The following MUC6 variants were observed in gnomAD, a reference collection of about 807,000 sequenced individuals.
MUC6 encodes mucin 6, oligomeric mucus/gel-forming (gene/pseudogene), also known as mucin-6.
Under a neutral mutation model 201.5 loss-of-function variants are expected in MUC6, and 188 were observed. The observed-to-expected ratio is 0.93, with a 90% CI of 0.83 to 1.05. The LOEUF (loss-of-function observed/expected upper bound fraction) is 1.05. Ranked by LOEUF, MUC6 falls within the 50% of genes least tolerant of loss-of-function variation. The pLI, the probability that MUC6 is intolerant of heterozygous loss-of-function variation, is 0.00. For missense variants in MUC6, 2,706 were observed against 3,256.9 expected, an observed-to-expected ratio of 0.83 and a Z score of 4.12; for synonymous variants, 1,228 against 1,389.4, an observed-to-expected ratio of 0.88 and a Z score of 2.58.
chr11:1,034,117 G>A (rs1165137680), intron 1 of MUC6, among the ~76,000 whole-genome samples: 1 of 152,230 alleles, frequency 6.6e-6, no homozygotes. Context: ...GGGAGATGGT[G>A]TTAACCGCGG....
At chr11:1,036,186 C>T (rs1857213111) in intron 1 of MUC6, among the ~76,000 whole-genome samples, 1 of 151,970 alleles carries the variant, frequency 6.6e-6, no homozygotes, top group Non-Finnish European at 1.5e-5. Flanking sequence ...CAGGGCCCAG[C>T]AGAGACTGTG....
chr11:1,026,817 G>A (rs554581363), intron 19 of MUC6, 124 bp downstream of exon 19: 110 of 1,067,382 alleles, frequency 1.0e-4, no homozygotes, highest in Middle Eastern at 3.1e-4. Context: ...CTTCCACCTC[G>A]TGGCCAGCCC....
rs1856730269 is a variant in MUC6 at position 1,018,455 on chromosome 11, G to A, written c.4346C>T (p.Pro1449Leu). The change falls in exon 31 of 33, where the codon CCT becomes CTT. Residue 1449 changes from proline (P) to leucine (L), a missense_variant. Transcript: ENST00000421673. ...TGGAGTCACCAAGGAGGTGGAGAAAGGTGGAACGTGAGTGGGAAGTGTGGT... is the reference window on the plus strand; with the variant it reads ...TGGAGTCACCAAGGAGGTGGAGAAAAGTGGAACGTGAGTGGGAAGTGTGGT... ...PETTLPTHVP[P>L]FSTSLVTPST... is the part of the protein sequence containing the mutation. 3.1e-6 allele frequency: 5 copies of A among 1,613,814 alleles called. No individual in the cohort carries two copies. Among genetic ancestry groups the A allele is most frequent in the African/African-American group, 1.3e-5 (1 of 74,800 alleles).
chr11:1,033,595 C>T lies in MUC6; in HGVS notation c.53-520G>A, dbSNP rs1341972864. 6.6e-6 allele frequency among the ~76,000 whole-genome samples: 1 copy of T among 152,100 alleles called. No individual in the cohort carries two copies. The highest frequency in any genetic ancestry group is 2.4e-5 in the African/African-American group (1 of 41,422). On this transcript the variant is annotated intron_variant, in intron 1 of 32. Coordinates refer to ENST00000421673, the MANE Select transcript of MUC6 (RefSeq NM_005961.3). The surrounding 1 kb of genome is among the most constrained non-coding windows in gnomAD (Gnocchi z 5.6). ...TTCCTGCACGTCAGCCTTGAGACAG[C>T]CTTGATGTCAGGCCTGGCACTGAGG...
At chr11:1,014,488 T>C (rs1414143250) in intron 31 of MUC6, among the ~76,000 whole-genome samples, 1 of 151,808 alleles carries the variant, frequency 6.6e-6, no homozygotes, top group Non-Finnish European at 1.5e-5. Flanking sequence ...GCAGGCCCCG[T>C]GGTCTGGGCT....
intron 26 of MUC6, 133 bp from the exon 27 acceptor site, chr11:1,021,410 G>A (rs144226733): frequency 0.033 from 16,780 of 504,378 alleles, 367 homozygotes; most frequent in Admixed American, 0.045. Context: ...TCGCTCTGTC[G>A]CCCAGGCTGG....
intron 14 of MUC6, 49 bp downstream of exon 14, chr11:1,028,177 C>T: frequency 1.3e-6 from 2 of 1,540,540 alleles, no homozygotes; most frequent in Non-Finnish European, 1.8e-6. Context: ...TCTGTCAGAA[C>T]TGTGGGCGCT....
Position 1,030,292 on chromosome 11 carries a change from G to A in MUC6, c.936C>T (p.Gly312=), listed in dbSNP as rs1308203794. 5.2e-6 allele frequency: 8 copies of A among 1,549,492 alleles called. No individual in the cohort carries two copies. The African/African-American group carries it at 9.6e-5, about 19-fold the overall frequency. ...TGGAGCAGGTCTTCACGCAGGCCGA[G>A]CCGCACTCCTGGTACACCTGGTTGG... ...CPANQVYQEC[G]SACVKTCSNP... is the part of the protein sequence containing the mutation. The change falls in exon 8 of 33, where the codon GGC becomes GGT. Residue 312 remains glycine (G), a synonymous_variant. Transcript: ENST00000421673.
intron 2 of MUC6, among the ~76,000 whole-genome samples, chr11:1,032,763 G>A (rs1857138348): frequency 6.6e-6 from 1 of 151,182 alleles, no homozygotes; most frequent in South Asian, 2.1e-4. Flanking sequence ...TCTGTGTAGA[G>A]TGTTGGGTGT....
At chr11:1,013,766 G>A (rs1479670794) in intron 32 of MUC6, 133 bp from the exon 33 acceptor site, 1 of 1,394,522 alleles carries the variant, frequency 7.2e-7, no homozygotes, top group Non-Finnish European at 9.8e-7. Context: ...CCAGGGCGGT[G>A]TTGGGCAGAT....
intron 1 of MUC6, among the ~76,000 whole-genome samples, chr11:1,034,321 T>C (rs1351781191): frequency 6.6e-6 from 1 of 152,228 alleles, no homozygotes; most frequent in East Asian, 1.9e-4. Flanking sequence ...TTATCCCCAG[T>C]GTAAGCTGAG....
rs557512676 is a variant in MUC6 at position 1,018,828 on chromosome 11, C to T, written c.4031-58G>A. On this transcript the variant is annotated intron_variant, in intron 30 of 32. Coordinates refer to ENST00000421673, the MANE Select transcript of MUC6 (RefSeq NM_005961.3). ...GTTTTTGTTTCTCTACCCTGACCTC[C>T]GCTGGCCCGTCCTTTTGTCTATGTG... The T allele has an allele frequency of 2.0e-5, 30 of 1,515,604 alleles. No individual in the cohort carries two copies. The Middle Eastern group carries it at 5.3e-4, about 27-fold the overall frequency. The allele number at this position is 1,515,604 out of a possible 1,614,324, so 93.9% of individuals were successfully genotyped here.
chr11:1,016,001 TGA>T lies in MUC6; in HGVS notation c.6798_6799del (p.Gln2267ValfsTer106), dbSNP rs757502483. 126 of 1,603,528 alleles carry T rather than the reference TGA, an allele frequency of 7.9e-5. No homozygotes were observed. The highest frequency in any genetic ancestry group is 1.0e-4 in the Non-Finnish European group (122 of 1,173,626). Reference sequence around the variant, plus strand: ...AGAAGTGGACCGCGAGGTGGTGGACTGAGAGGAGAAGGCAGGGGCGGTGTGGG... The same window carrying T: ...AGAAGTGGACCGCGAGGTGGTGGACTGAGGAGAAGGCAGGGGCGGTGTGGG... On this transcript the variant is annotated frameshift_variant, in exon 31 of 33. Coordinates refer to ENST00000421673, the MANE Select transcript of MUC6 (RefSeq NM_005961.3). LOFTEE classifies it high-confidence loss of function.
intron 31 of MUC6, among the ~76,000 whole-genome samples, 161 bp from the exon 32 acceptor site, chr11:1,014,162 A>C (rs570602419): frequency 1.6e-4 from 24 of 152,346 alleles, no homozygotes; most frequent in African/African-American, 5.1e-4. Flanking sequence ...CCTCAGCCAT[A>C]CACAAAGGCA....
chr11:1,030,854 G>T (rs932780692), intron 6 of MUC6, 74 bp from the exon 7 acceptor site: 2 of 1,528,752 alleles, frequency 1.3e-6, no homozygotes, highest in African/African-American at 1.4e-5. Flanking sequence ...GTCGGGCAGG[G>T]CGTCTGTGAT....
rs201922465 is a variant in MUC6, at chr11:1,025,348, G to A, written c.2819C>T (p.Ala940Val). 10 of 1,610,310 alleles carry A rather than the reference G, an allele frequency of 6.2e-6. No individual in the cohort carries two copies. The highest frequency in any genetic ancestry group is 1.6e-4 in the Middle Eastern group (1 of 6,070). Residue 940 changes from alanine to valine, a missense_variant, in exon 23 of 33, where the codon GCG becomes GTG. Transcript: ENST00000421673. The part of the protein sequence containing the change: ...IFLGGLSVVL[A>V]DRNYTVTGEE... ...CCCGGTGACCGTGTAGTTTCTGTCCGCCAGCACCACGGACAGGCCCTGTGG... is the reference window on the plus strand; with the variant it reads ...CCCGGTGACCGTGTAGTTTCTGTCCACCAGCACCACGGACAGGCCCTGTGG...
Position 1,019,380 on chromosome 11 carries a change from T to C in MUC6, c.3925A>G (p.Thr1309Ala). The part of the protein sequence containing the change: ...PTVTQATTRA[T>A]ASTASPATTS... ...GTGGCTGGGCTGGCGGTCGACGCCG[T>C]GGCCCTGGTTGTGGCCTGGGTCACT... Residue 1309 changes from threonine to alanine, a missense_variant, in exon 30 of 33, where the codon ACG becomes GCG. Thr to Ala is a moderately conservative substitution (Grantham distance 58). Coordinates refer to ENST00000421673, the MANE Select transcript of MUC6 (RefSeq NM_005961.3). 6.2e-7 allele frequency: 1 copy of C among 1,613,748 alleles called. No homozygotes were observed.
rs754996103 is a variant in MUC6 at position 1,027,665 on chromosome 11, A to T, written c.1981+20T>A. On this transcript the variant is annotated intron_variant, in intron 16 of 32. Transcript: ENST00000421673. ...AGCCCAGCCTGCCGTGACCCCGCTT[A>T]AGCCCCGTCGGGCACTCACTGCAGT... 4 of 1,588,174 alleles carry T rather than the reference A, an allele frequency of 2.5e-6. No individual in the cohort carries two copies. The Admixed American group carries it at 7.1e-5, about 28-fold the overall frequency.
intron 8 of MUC6, among the ~76,000 whole-genome samples, 195 bp downstream of exon 8, chr11:1,030,018 C>T (rs1282080333): frequency 2.0e-5 from 3 of 151,094 alleles, no homozygotes; most frequent in Admixed American, 6.6e-5. Flanking sequence ...CAGGGGTGGC[C>T]GTGGCTGGGG....
Sources: allele counts gnomAD v4.1 joint callset (sites outside exome capture counted in the v4.1 genomes callset), GRCh38; gene constraint gnomAD v4.1.1; non-coding constraint Gnocchi (gnomAD v3.1); transcripts MANE v1.5; gene names NCBI Gene and HGNC (gene_info 2026-07-23, HGNC 2026-07-21).